Variants in SLIT1 observed in about 807,000 individuals in gnomAD.
The protein encoded by SLIT1 is slit guidance ligand 1, also known as slit homolog 1 protein.
In SLIT1, 66 loss-of-function variants were observed where a neutral mutation model predicts 186.1. The observed-to-expected ratio is 0.35, with a 90% CI of 0.29 to 0.44. The LOEUF is 0.44. SLIT1 is among the 20% of genes least tolerant of loss of function. SLIT1 has a pLI of 1.00. For synonymous variants in SLIT1, 761 were observed against 833.8 expected (o/e 0.91, Z 1.50); for missense variants, 1,638 against 2,037.4 (o/e 0.80, Z 3.77).
chr10:97,119,691 C>A (rs139051172), intron 4 of SLIT1, among the ~76,000 whole-genome samples: 1 of 150,076 alleles, frequency 6.7e-6, no homozygotes, highest in African/African-American at 2.5e-5. Context: ...GGCTCAGCAG[C>A]GGTGGGGAGG....
Position 97,004,955 on chromosome 10 carries a change from CAGCCTCCCCAAGGCCA to C in SLIT1, c.3580-148_3580-133del. The C allele has an allele frequency of 9.3e-7, 1 of 1,079,636 alleles. No individual in the cohort carries two copies. Among genetic ancestry groups the C allele is most frequent in the Non-Finnish European group, 1.4e-6 (1 of 738,612 alleles). 66.9% of individuals were successfully genotyped at this position (1,079,636 alleles called of 1,614,324 possible). A position where few individuals can be genotyped will look rare whatever the true frequency, so the allele number is the denominator to read the frequency against. On this transcript the variant is annotated intron_variant, in intron 32 of 36. Coordinates refer to ENST00000266058, the MANE Select transcript of SLIT1 (RefSeq NM_003061.3). This position sits in a 1 kb window ranked among gnomAD's most constrained non-coding sequence, Gnocchi z 5.1. Reference sequence around the variant, plus strand: ...GCAGAGCGCTCTTCCCCCACCTGGCCAGCCTCCCCAAGGCCATTCCTCCAGGGGGCACCAATAGGGG... The same window carrying C: ...GCAGAGCGCTCTTCCCCCACCTGGCCTTCCTCCAGGGGGCACCAATAGGGG...
At position 97,013,597 on chromosome 10, in the gene SLIT1, T is replaced by C; in HGVS notation, c.3203+144A>G. On this transcript the variant is annotated intron_variant, in intron 30 of 36. Transcript: ENST00000266058. ...TCACCCCTCCACCCACAACCCCGCA[T>C]GGATTCTCAGGAACCCTGTAGAGCT... 3 of 655,666 alleles carry C rather than the reference T, an allele frequency of 4.6e-6. No homozygotes were observed. The Admixed American group carries it at 7.6e-5, about 17-fold the overall frequency. 40.6% of individuals were successfully genotyped at this position (655,666 alleles called of 1,614,324 possible).
At chr10:97,031,075 C>A (rs1372206833) in intron 24 of SLIT1, among the ~76,000 whole-genome samples, 4 of 152,208 alleles carry the variant, frequency 2.6e-5, no homozygotes, top group African/African-American at 9.7e-5. Flanking sequence ...AAACAGGACC[C>A]GTGCACCCAG....
At chr10:97,067,576 C>T (rs1848959947) in intron 4 of SLIT1, among the ~76,000 whole-genome samples, 1 of 152,206 alleles carries the variant, frequency 6.6e-6, no homozygotes, top group Admixed American at 6.5e-5. Context: ...GAATTTGAAC[C>T]CAGGCATTCA....
intron 26 of SLIT1, among the ~76,000 whole-genome samples, chr10:97,020,852 TA>T: frequency 6.6e-6 from 1 of 152,232 alleles, no homozygotes; most frequent in Non-Finnish European, 1.5e-5. Context: ...TGTATTTCTG[TA>T]AATGTCGGGA....
chr10:97,058,302 A>G (rs1231290816), intron 11 of SLIT1, among the ~76,000 whole-genome samples: 1 of 152,146 alleles, frequency 6.6e-6, no homozygotes, highest in East Asian at 1.9e-4. Flanking sequence ...GATGGGGTGT[A>G]CTGGAATCAT....
At chr10:97,034,195 C>T (rs1848617508) in intron 23 of SLIT1, among the ~76,000 whole-genome samples, 1 of 152,204 alleles carries the variant, frequency 6.6e-6, no homozygotes, top group African/African-American at 2.4e-5. Flanking sequence ...TTGGTATCTA[C>T]ATGTGTGCTA....
intron 4 of SLIT1, among the ~76,000 whole-genome samples, chr10:97,101,142 G>C (rs553422119): frequency 1.3e-5 from 2 of 152,162 alleles, no homozygotes; most frequent in Non-Finnish European, 1.5e-5. Context: ...CAGAAGCCTC[G>C]CAAGGAGACC....
rs749362120 is a variant in SLIT1, at chr10:97,043,516, G to A, written c.1854-3C>T. On this transcript the variant is annotated splice_region_variant and splice_polypyrimidine_tract_variant and intron_variant, in intron 18 of 36. Coordinates refer to ENST00000266058, the MANE Select transcript of SLIT1 (RefSeq NM_003061.3). This position sits in a 1 kb window ranked among gnomAD's most constrained non-coding sequence, Gnocchi z 7.0. Reference sequence around the variant, plus strand: ...TGATGCGGTTGTTCCGCAGCATTCTGGGGAGGAACGGGGGAGGGAGGAGGG... The same window carrying A: ...TGATGCGGTTGTTCCGCAGCATTCTAGGGAGGAACGGGGGAGGGAGGAGGG... 2.9e-5 allele frequency: 47 copies of A among 1,612,430 alleles called. No homozygotes were observed. Among genetic ancestry groups the A allele is most frequent in the Middle Eastern group, 1.9e-4 (1 of 5,368 alleles).
At chr10:97,117,869 T>C (rs1849523050) in intron 4 of SLIT1, among the ~76,000 whole-genome samples, 1 of 152,184 alleles carries the variant, frequency 6.6e-6, no homozygotes. Flanking sequence ...GTTCTGTAAA[T>C]GTGTCTCAGA....
Position 97,004,651 on chromosome 10 carries a change from C to G in SLIT1, c.3710+42G>C. 6.2e-6 allele frequency: 10 copies of G among 1,612,798 alleles called. No homozygotes were observed. Among genetic ancestry groups the G allele is most frequent in the Non-Finnish European group, 8.5e-6 (10 of 1,179,130 alleles). ...CCCAGGAGACCTCGCCCTGGCAGTC[C>G]CGTACCCCTGAGGGCAGCTGGGGGG... On this transcript the variant is annotated intron_variant, in intron 33 of 36. Transcript: ENST00000266058. This position sits in a 1 kb window ranked among gnomAD's most constrained non-coding sequence, Gnocchi z 5.1.
intron 1 of SLIT1, among the ~76,000 whole-genome samples, chr10:97,166,788 T>C (rs968636325): frequency 6.6e-6 from 1 of 152,150 alleles, no homozygotes; most frequent in East Asian, 1.9e-4. Context: ...GAACTGGGCA[T>C]TATGCACACC....
intron 4 of SLIT1, among the ~76,000 whole-genome samples, chr10:97,079,168 T>C (rs969195356): frequency 3.9e-5 from 6 of 152,254 alleles, no homozygotes; most frequent in Admixed American, 2.6e-4. Context: ...TCCCTCTTGC[T>C]GAGTTGCGAG....
chr10:97,033,208 CT>C (rs1848607757), intron 23 of SLIT1, among the ~76,000 whole-genome samples: 1 of 152,110 alleles, frequency 6.6e-6, no homozygotes, highest in African/African-American at 2.4e-5. Context: ...ACCACCACAC[CT>C]GACTAATTTT....
chr10:97,124,496 C>T (rs924677554), intron 4 of SLIT1, among the ~76,000 whole-genome samples: 2 of 152,216 alleles, frequency 1.3e-5, no homozygotes, highest in African/African-American at 4.8e-5. Flanking sequence ...ATCTCCTCTG[C>T]GGAGGCTGCA....
chr10:97,104,708 T>C (rs1000158826), intron 4 of SLIT1, among the ~76,000 whole-genome samples: 1 of 151,868 alleles, frequency 6.6e-6, no homozygotes, highest in African/African-American at 2.4e-5. Flanking sequence ...ACATCTTCCC[T>C]CGTCTTTGCT....
chr10:97,045,330 T>A (rs921529797), intron 18 of SLIT1, among the ~76,000 whole-genome samples: 1 of 152,232 alleles, frequency 6.6e-6, no homozygotes, highest in Non-Finnish European at 1.5e-5. Flanking sequence ...AAAATTTTAA[T>A]ATGTAATGGT....
At position 97,030,739 on chromosome 10, in the gene SLIT1, AG is replaced by A; in HGVS notation, c.2582+17del. 6.2e-7 allele frequency: 1 copy of A among 1,603,570 alleles called. No individual in the cohort carries two copies. The highest frequency in any genetic ancestry group is 8.5e-7 in the Non-Finnish European group (1 of 1,170,816). ...TTGAAATCCAAAGAGGCCCAGAGAA[AG>A]GGGCTAGGGTACTCACAGGTGAGAC... On this transcript the variant is annotated intron_variant, in intron 25 of 36. Transcript: ENST00000266058.
Position 97,047,031 on chromosome 10 carries a change from C to A in SLIT1, c.1669G>T (p.Ala557Ser). 3 of 1,612,744 alleles carry A rather than the reference C, an allele frequency of 1.9e-6. No homozygotes were observed. The change falls in exon 17 of 37, where the codon GCC becomes TCC. Residue 557 changes from alanine (A) to serine (S), a missense_variant. By Grantham distance (99) the Ala-to-Ser change is moderately conservative. Coordinates refer to ENST00000266058, the MANE Select transcript of SLIT1 (RefSeq NM_003061.3). ...GTAAGTTTTTTAAACATCCCAGTGGCCTCCAGGATGGAAATCTCATTGTTA... is the reference window on the plus strand; with the variant it reads ...GTAAGTTTTTTAAACATCCCAGTGGACTCCAGGATGGAAATCTCATTGTTA... Reference protein sequence around the residue: ...LNNNEISILEATGMFKKLTHL... With the variant: ...LNNNEISILESTGMFKKLTHL...
Sources: gnomAD v4.1 joint callset for allele counts (sites outside exome capture counted in the v4.1 genomes callset) on GRCh38, gnomAD v4.1.1 for gene constraint, Gnocchi (gnomAD v3.1) non-coding constraint, MANE v1.5 for transcripts, NCBI Gene and HGNC (gene_info 2026-07-23, HGNC 2026-07-21) for gene names.